The following ARB2A variants were observed in gnomAD, a reference collection of about 807,000 sequenced individuals.
The protein encoded by ARB2A is cotranscriptional regulator ARB2A.
At chr5:93,631,819 G>A in the ARB2A span, among the ~76,000 whole-genome samples, 9 of 151,496 alleles carry the variant, frequency 5.9e-5, no homozygotes, top group East Asian at 1.8e-3. Flanking sequence ...GAGAGGGGAG[G>A]GGGGAGAGAG....
chr5:94,025,428 C>T, the ARB2A span, among the ~76,000 whole-genome samples: 2 of 152,184 alleles, frequency 1.3e-5, no homozygotes, highest in African/African-American at 2.4e-5. Context: ...CATATTAGTA[C>T]CCGACCCTTT....
chr5:94,071,092 A>G, the ARB2A span, among the ~76,000 whole-genome samples: 5 of 152,250 alleles, frequency 3.3e-5, no homozygotes, highest in African/African-American at 9.6e-5. Context: ...CTGTTGATGA[A>G]TGTTTTTAAA....
chr5:94,069,373 C>A, the ARB2A span, among the ~76,000 whole-genome samples: 6 of 152,068 alleles, frequency 3.9e-5, no homozygotes, highest in African/African-American at 1.2e-4. Flanking sequence ...GGACACTGGT[C>A]TAGGCAAAGA....
the ARB2A span, among the ~76,000 whole-genome samples, chr5:93,818,680 C>G: frequency 6.6e-6 from 1 of 152,010 alleles, no homozygotes; most frequent in Non-Finnish European, 1.5e-5. Context: ...ATTGAAAAGA[C>G]TATACCTACA....
chr5:93,690,740 C>T, the ARB2A span, among the ~76,000 whole-genome samples: 1 of 152,154 alleles, frequency 6.6e-6, no homozygotes, highest in Non-Finnish European at 1.5e-5. Context: ...GAGTCCCTGA[C>T]CCTGTGCCTC....
chr5:93,922,888 T>G, the ARB2A span, among the ~76,000 whole-genome samples: 1 of 152,098 alleles, frequency 6.6e-6, no homozygotes, highest in Non-Finnish European at 1.5e-5. Flanking sequence ...GGCACTGAAA[T>G]TAAACCAAAT....
At chr5:93,817,767 T>G in the ARB2A span, among the ~76,000 whole-genome samples, 3 of 152,110 alleles carry the variant, frequency 2.0e-5, 1 homozygote, top group South Asian at 6.2e-4. Context: ...ATATCCATAT[T>G]CAAAAGAATT....
At chr5:93,622,171 A>C in the ARB2A span, among the ~76,000 whole-genome samples, 1 of 152,246 alleles carries the variant, frequency 6.6e-6, no homozygotes, top group Non-Finnish European at 1.5e-5. Context: ...ATAAATGAGC[A>C]CTTTTTAAAA....
chr5:94,101,952 A>T, the ARB2A span, among the ~76,000 whole-genome samples: 6 of 152,120 alleles, frequency 3.9e-5, no homozygotes, highest in East Asian at 1.9e-4. Context: ...ATAATTTTTT[A>T]AAAAAAGGAA....
the ARB2A span, among the ~76,000 whole-genome samples, chr5:94,080,498 G>A: frequency 1.3e-5 from 2 of 152,172 alleles, no homozygotes; most frequent in Non-Finnish European, 2.9e-5. Flanking sequence ...TAATATGCAT[G>A]TGAACCATCC....
the ARB2A span, among the ~76,000 whole-genome samples, chr5:94,035,693 CG>C: frequency 1.1e-4 from 16 of 152,106 alleles, no homozygotes; most frequent in African/African-American, 3.9e-4. Flanking sequence ...AGAATGAGTT[CG>C]TGTCCTTTGC....
the ARB2A span, among the ~76,000 whole-genome samples, chr5:93,764,008 A>G: frequency 1.2e-4 from 19 of 152,238 alleles, no homozygotes; most frequent in Non-Finnish European, 2.4e-4. Context: ...AAAGAGAACA[A>G]AGACACAACA....
chr5:93,931,839 T>G, the ARB2A span, among the ~76,000 whole-genome samples: 1 of 152,068 alleles, frequency 6.6e-6, no homozygotes, highest in Non-Finnish European at 1.5e-5. Flanking sequence ...CATAGGTAAG[T>G]TTTGCTTGTT....
chr5:93,779,862 G>A, the ARB2A span, among the ~76,000 whole-genome samples: 2 of 152,106 alleles, frequency 1.3e-5, no homozygotes, highest in Non-Finnish European at 2.9e-5. Flanking sequence ...AAAATTTGGG[G>A]AGCTATTGAT....
the ARB2A span, among the ~76,000 whole-genome samples, chr5:93,828,218 C>T: frequency 3.0e-4 from 45 of 152,234 alleles, no homozygotes; most frequent in East Asian, 6.8e-3. Context: ...TTCTTCCTAC[C>T]CATGAGCATG....
the ARB2A span, among the ~76,000 whole-genome samples, chr5:94,031,010 T>C: frequency 6.6e-6 from 1 of 152,170 alleles, no homozygotes; most frequent in African/African-American, 2.4e-5. Flanking sequence ...GCCAAATAAA[T>C]CTATTTTCTT....
At chr5:93,875,343 T>TCATCCTCCC in the ARB2A span, among the ~76,000 whole-genome samples, 1 of 152,136 alleles carries the variant, frequency 6.6e-6, no homozygotes, top group Non-Finnish European at 1.5e-5. Flanking sequence ...GTGATTCTCC[T>TCATCCTCCC]GCCTCATCCT....
the ARB2A span, among the ~76,000 whole-genome samples, chr5:93,780,394 T>C: frequency 1.6e-4 from 25 of 152,310 alleles, no homozygotes; most frequent in South Asian, 4.3e-3. Context: ...GCTGCCTTCA[T>C]TTACCTTTTA....
chr5:93,722,289 T>C, the ARB2A span, among the ~76,000 whole-genome samples: 3 of 152,128 alleles, frequency 2.0e-5, no homozygotes, highest in Non-Finnish European at 4.4e-5. Flanking sequence ...TAATCTGAAT[T>C]TAAAATATTC....
Sources: gnomAD v4.1 joint callset for allele counts (sites outside exome capture counted in the v4.1 genomes callset) on GRCh38, gnomAD v4.1.1 for gene constraint, MANE v1.5 for transcripts, NCBI Gene and HGNC (gene_info 2026-07-23, HGNC 2026-07-21) for gene names.